POLR3H: variants seen among roughly 807,000 people sequenced by gnomAD.
The protein encoded by POLR3H is DNA-directed RNA polymerase III subunit RPC8.
In POLR3H, 17 loss-of-function variants were observed where a neutral mutation model predicts 25.5. The ratio of observed to expected loss-of-function variants is 0.67; its 90% CI spans 0.46 to 1.00. The LOEUF (loss-of-function observed/expected upper bound fraction) is 1.00. Among genes scored for constraint, POLR3H ranks in the 50% least tolerant of loss-of-function variants. POLR3H has a pLI of 0.00. For synonymous variants in POLR3H, 129 were observed against 103.0 expected (o/e 1.25, Z -1.53); for missense variants, 274 against 265.0 (o/e 1.03, Z -0.24).
In POLR3H at chr22:41,533,481, C is replaced by T. The variant is rs1002817596; in HGVS notation, c.209-736G>A. The T allele has an allele frequency of 2.5e-6, 3 of 1,179,332 alleles. No homozygotes were observed. The African/African-American group carries it at 4.8e-5, about 19-fold the overall frequency. The allele number at this position is 1,179,332 out of a possible 1,614,324, so 73.1% of individuals were successfully genotyped here. A position where few individuals can be genotyped will look rare whatever the true frequency, so the allele number is the denominator to read the frequency against. ...CAGAGCCAGGGTGACCCACTCACAG[C>T]CACATAGCCATGGGGAGACACCTGG... is the stretch of plus-strand genomic sequence containing the variant. On this transcript the variant is annotated intron_variant, in intron 2 of 5. Coordinates refer to ENST00000355209, the MANE Select transcript of POLR3H (RefSeq NM_001018050.4).
Position 41,526,952 on chromosome 22 carries a change from C to T in POLR3H, c.*2331G>A. On this transcript the variant is annotated 3_prime_UTR_variant, in exon 6 of 6. Transcript: ENST00000355209. ...CCCAGGAAGGGGGCGCCTTGAGCTT[C>T]ACAGATGCATCTTGTGTGGGGCCCG... 1 of 414,282 alleles carries T rather than the reference C, an allele frequency of 2.4e-6. No individual in the cohort carries two copies. Among genetic ancestry groups the T allele is most frequent in the Non-Finnish European group, 4.4e-6 (1 of 228,920 alleles). The allele number at this position is 414,282 out of a possible 1,614,324, so 25.7% of individuals were successfully genotyped here.
chr22:41,532,219 G>A (rs547627951), intron 3 of POLR3H, 62 bp from the exon 4 acceptor site: 18 of 1,517,968 alleles, frequency 1.2e-5, no homozygotes, highest in South Asian at 3.4e-5. Context: ...CAAACACTGC[G>A]GGGTCTTATG....
At chr22:41,543,578 G>C (rs1207300622) in intron 1 of POLR3H, among the ~76,000 whole-genome samples, 4 of 151,968 alleles carry the variant, frequency 2.6e-5, no homozygotes, top group Admixed American at 2.6e-4. Context: ...CCGAGATCGC[G>C]CCACTGCACT....
At chr22:41,540,565 ACT>A (rs774741554) in intron 2 of POLR3H, 132 bp downstream of exon 2, 2 of 747,646 alleles carry the variant, frequency 2.7e-6, no homozygotes, top group South Asian at 2.9e-5. Flanking sequence ...CTGGCCTTGA[ACT>A]CTGTGGCTCA....
chr22:41,527,630 G>T lies in POLR3H; in HGVS notation c.*1653C>A. 3.6e-6 allele frequency: 3 copies of T among 823,946 alleles called. No homozygotes were observed. The highest frequency in any genetic ancestry group is 5.6e-6 in the Non-Finnish European group (3 of 540,490). 51.0% of individuals were successfully genotyped at this position (823,946 alleles called of 1,614,324 possible). A position where few individuals can be genotyped will look rare whatever the true frequency, so the allele number is the denominator to read the frequency against. On this transcript the variant is annotated 3_prime_UTR_variant, in exon 6 of 6. Coordinates refer to ENST00000355209, the MANE Select transcript of POLR3H (RefSeq NM_001018050.4). ...CGCAGGCCCTGCTTCCAGGCTTGTA[G>T]ATCTGAGCCGCTGAGATCTAGGACA...
chr22:41,536,432 G>A (rs2066847119), intron 2 of POLR3H, among the ~76,000 whole-genome samples: 3 of 151,844 alleles, frequency 2.0e-5, no homozygotes, highest in African/African-American at 7.3e-5. Context: ...TGGCGGTGAA[G>A]GTTGCATAAG....
chr22:41,532,493 A>C lies in POLR3H; in HGVS notation c.295+166T>G, dbSNP rs2066756516. The C allele has an allele frequency of 2.4e-6, 3 of 1,236,644 alleles. No homozygotes were observed. In the Admixed American group the frequency reaches 7.6e-5, roughly 31 times the overall value. The allele number at this position is 1,236,644 out of a possible 1,614,324, so 76.6% of individuals were successfully genotyped here. On this transcript the variant is annotated intron_variant, in intron 3 of 5. Coordinates refer to ENST00000355209, the MANE Select transcript of POLR3H (RefSeq NM_001018050.4). ...CACAGTGAAACCGCACTGCTGATGG[A>C]GGTCCTCACACAACACATAAAAGGG...
In POLR3H at chr22:41,528,609, A is replaced by G; in HGVS notation, c.*674T>C. On this transcript the variant is annotated 3_prime_UTR_variant, in exon 6 of 6. Coordinates refer to ENST00000355209, the MANE Select transcript of POLR3H (RefSeq NM_001018050.4). ...CTCAACAGAATGAAGGAACTGCAAC[A>G]GTGAGGGCAGTGCCTCCCCGCCCCG... The G allele has an allele frequency of 7.5e-6, 12 of 1,599,564 alleles. No homozygotes were observed. Among genetic ancestry groups the G allele is most frequent in the Non-Finnish European group, 1.0e-5 (12 of 1,175,260 alleles).
chr22:41,543,998 G>A lies in POLR3H; in HGVS notation c.104C>T (p.Ala35Val), dbSNP rs763092156. 5.0e-6 allele frequency: 8 copies of A among 1,612,614 alleles called. No individual in the cohort carries two copies. The highest frequency in any genetic ancestry group is 6.8e-6 in the Non-Finnish European group (8 of 1,178,670). Reference sequence around the variant, plus strand: ...GAGCCGTGGGCCCAGTACCTTGTTGGCCAACTTCTTGTTCAGCTCCTCGGC... The same window carrying A: ...GAGCCGTGGGCCCAGTACCTTGTTGACCAACTTCTTGTTCAGCTCCTCGGC... ...SIAEELNKKL[A>V]NKVVYNVGLC... is the part of the protein sequence containing the mutation. The change falls in exon 1 of 6, where the codon GCC becomes GTC. Residue 35 changes from alanine (A) to valine (V), a missense_variant. Ala to Val is a moderately conservative substitution (Grantham distance 64). Coordinates refer to ENST00000355209, the MANE Select transcript of POLR3H (RefSeq NM_001018050.4).
chr22:41,544,083 T>C lies in POLR3H; in HGVS notation c.19A>G (p.Met7Val). MFVLVEMVDTVRIPPWQ... is the reference protein window; with the variant it reads MFVLVEVVDTVRIPPWQ... ...GGGGGGATCCGGACGGTGTCCACCA[T>C]TTCCACCAGGACGAACATCCCGGCC... Residue 7 changes from methionine (M) to valine (V), a missense_variant, in exon 1 of 6, where the codon ATG becomes GTG. Met to Val is a conservative substitution (Grantham distance 21, BLOSUM62 1). Transcript: ENST00000355209. The C allele has an allele frequency of 2.7e-6, 4 of 1,505,372 alleles. No individual in the cohort carries two copies. The highest frequency in any genetic ancestry group is 3.6e-6 in the Non-Finnish European group (4 of 1,111,150). The allele number at this position is 1,505,372 out of a possible 1,614,324, so 93.3% of individuals were successfully genotyped here.
At chr22:41,537,704 T>C (rs1323249718) in intron 2 of POLR3H, among the ~76,000 whole-genome samples, 1 of 152,184 alleles carries the variant, frequency 6.6e-6, no homozygotes, top group Non-Finnish European at 1.5e-5. Flanking sequence ...GATCACTCCA[T>C]GCCTCCCACC....
intron 1 of POLR3H, among the ~76,000 whole-genome samples, chr22:41,542,056 C>T (rs1014168831): frequency 2.0e-5 from 3 of 151,808 alleles, no homozygotes; most frequent in Non-Finnish European, 4.4e-5. Flanking sequence ...ACACCAGCCT[C>T]TTCCACACCA....
At chr22:41,536,623 T>C (rs2066851969) in intron 2 of POLR3H, among the ~76,000 whole-genome samples, 1 of 150,964 alleles carries the variant, frequency 6.6e-6, no homozygotes. Flanking sequence ...CCCAGCACTT[T>C]GGGAGGCCAA....
intron 2 of POLR3H, among the ~76,000 whole-genome samples, chr22:41,534,400 C>T (rs574106942): frequency 2.6e-5 from 4 of 152,300 alleles, no homozygotes; most frequent in South Asian, 2.1e-4. Context: ...GGCTCAACCT[C>T]GGGCTGAACC....
Position 41,527,881 on chromosome 22 carries a change from G to A in POLR3H, c.*1402C>T, listed in dbSNP as rs775842612. 1.6e-5 allele frequency: 26 copies of A among 1,613,998 alleles called. No homozygotes were observed. The highest frequency in any genetic ancestry group is 1.6e-4 in the Middle Eastern group (1 of 6,084). ...CAGGCTAGTCAGGCCCCCGATGACC[G>A]AATGCCGCCTGCTTTCCAGAGACCA... On this transcript the variant is annotated 3_prime_UTR_variant, in exon 6 of 6. Transcript: ENST00000355209.
chr22:41,542,658 C>T (rs1048588791), intron 1 of POLR3H, among the ~76,000 whole-genome samples: 2 of 152,176 alleles, frequency 1.3e-5, no homozygotes, highest in Non-Finnish European at 2.9e-5. Flanking sequence ...TCATTCATAT[C>T]TGCTTTCCCA....
chr22:41,532,355 C>T (rs1359222544), intron 3 of POLR3H, among the ~76,000 whole-genome samples, 198 bp from the exon 4 acceptor site: 1 of 152,210 alleles, frequency 6.6e-6, no homozygotes, highest in South Asian at 2.1e-4. Flanking sequence ...GGGCAAAGCC[C>T]GGAGCACCTA....
rs774029460 is a variant in POLR3H at position 41,530,866 on chromosome 22, C to T, written c.382G>A (p.Val128Met). 1.9e-6 allele frequency: 3 copies of T among 1,613,898 alleles called. No individual in the cohort carries two copies. The Admixed American group carries it at 5.0e-5, about 27-fold the overall frequency. Residue 128 changes from valine to methionine, a missense_variant, in exon 5 of 6, where the codon GTG (valine) becomes ATG (methionine). Val to Met is a conservative substitution (Grantham distance 21). Transcript: ENST00000355209. ...AKFDEAEQVW[V>M]WEYETEEGAH... Reference sequence around the variant, plus strand: ...CCTTCCTCCGTCTCGTACTCCCACACCCACACCTGCTCCGCTTCGTCGCTG... The same window carrying T: ...CCTTCCTCCGTCTCGTACTCCCACATCCACACCTGCTCCGCTTCGTCGCTG...
At chr22:41,534,151 C>T (rs78528566) in intron 2 of POLR3H, among the ~76,000 whole-genome samples, 1 of 151,190 alleles carries the variant, frequency 6.6e-6, no homozygotes, top group African/African-American at 2.4e-5. Flanking sequence ...AAAAAAAAAA[C>T]TTCACAGAGC....
Sources: allele counts gnomAD v4.1 joint callset (sites outside exome capture counted in the v4.1 genomes callset), GRCh38; gene constraint gnomAD v4.1.1; transcripts MANE v1.5; gene names NCBI Gene and HGNC (gene_info 2026-07-23, HGNC 2026-07-21).